The following CIRSR variants were observed in gnomAD, a reference collection of about 807,000 sequenced individuals.
CIRSR encodes CBF1 (RBPJ) interacting corepressor 1.
chr2:174,383,867 A>AG, the CIRSR span, among the ~76,000 whole-genome samples: 17 of 146,558 alleles, frequency 1.2e-4, no homozygotes, highest in Non-Finnish European at 2.4e-4. Context: ...AAAAAAAAAA[A>AG]GAAAATAACA....
chr2:174,390,143 C>T, the CIRSR span, among the ~76,000 whole-genome samples: 3 of 152,198 alleles, frequency 2.0e-5, no homozygotes, highest in African/African-American at 7.2e-5. Flanking sequence ...CAACTTGTAC[C>T]ATGTGCCTGG....
the CIRSR span, among the ~76,000 whole-genome samples, chr2:174,366,941 A>C: frequency 6.6e-6 from 1 of 152,222 alleles, no homozygotes. Flanking sequence ...AATCGCTAAA[A>C]AAATTTTTAG....
At chr2:174,351,719 G>A in the CIRSR span, 2 of 1,611,224 alleles carry the variant, frequency 1.2e-6, no homozygotes, top group Non-Finnish European at 8.5e-7. Flanking sequence ...GGGGTGCATC[G>A]ATGGCCCTGT....
the CIRSR span, among the ~76,000 whole-genome samples, chr2:174,350,441 G>A: frequency 1.3e-5 from 2 of 152,244 alleles, no homozygotes; most frequent in East Asian, 3.9e-4. Context: ...TCTGAAAAGT[G>A]CAATCGTTTT....
chr2:174,393,176 C>T, the CIRSR span, among the ~76,000 whole-genome samples: 1 of 152,090 alleles, frequency 6.6e-6, no homozygotes, highest in Non-Finnish European at 1.5e-5. Flanking sequence ...TTGTCAATAG[C>T]CAGTTTATGA....
At chr2:174,350,692 T>C in the CIRSR span, 1 of 1,609,544 alleles carries the variant, frequency 6.2e-7, no homozygotes, top group Non-Finnish European at 8.5e-7. Flanking sequence ...TGGTTGTTAG[T>C]GACTTTAAAA....
the CIRSR span, among the ~76,000 whole-genome samples, chr2:174,361,010 T>C: frequency 6.6e-6 from 1 of 152,302 alleles, no homozygotes; most frequent in East Asian, 1.9e-4. Flanking sequence ...AAAAAAATTT[T>C]AAACATCAAA....
chr2:174,383,004 A>T, the CIRSR span, among the ~76,000 whole-genome samples: 1 of 152,170 alleles, frequency 6.6e-6, no homozygotes, highest in Non-Finnish European at 1.5e-5. Context: ...AAAAGAAGCA[A>T]AAGGCCACAG....
the CIRSR span, among the ~76,000 whole-genome samples, chr2:174,364,360 G>A: frequency 9.2e-3 from 1,406 of 152,324 alleles, 28 homozygotes; most frequent in African/African-American, 0.032. Context: ...ATATGCTGGC[G>A]TTGAGCACCT....
the CIRSR span, among the ~76,000 whole-genome samples, chr2:174,363,015 C>A: frequency 6.6e-6 from 1 of 152,118 alleles, no homozygotes; most frequent in Non-Finnish European, 1.5e-5. Flanking sequence ...TGCTTCCCTT[C>A]CATCAGTGGG....
At chr2:174,394,548 A>C in the CIRSR span, among the ~76,000 whole-genome samples, 2 of 152,216 alleles carry the variant, frequency 1.3e-5, no homozygotes, top group African/African-American at 4.8e-5. Context: ...TTATAAAATG[A>C]GGAGATGGGG....
the CIRSR span, chr2:174,349,313 T>C: frequency 1.3e-5 from 7 of 542,574 alleles, no homozygotes; most frequent in Non-Finnish European, 2.1e-5. Context: ...ATACCTGTAA[T>C]CCCAGCACTT....
chr2:174,370,608 G>A, the CIRSR span, among the ~76,000 whole-genome samples: 1 of 152,184 alleles, frequency 6.6e-6, no homozygotes, highest in Admixed American at 6.5e-5. Context: ...ATGTGTTTAA[G>A]CATCACAGAA....
chr2:174,378,663 A>G, the CIRSR span: 2 of 431,820 alleles, frequency 4.6e-6, no homozygotes, highest in Non-Finnish European at 8.5e-6. Flanking sequence ...ACTATGTTTA[A>G]TGTATTTTAC....
chr2:174,371,014 A>T, the CIRSR span, among the ~76,000 whole-genome samples: 2 of 152,226 alleles, frequency 1.3e-5, no homozygotes, highest in African/African-American at 2.4e-5. Flanking sequence ...AAAGGCAAAG[A>T]AAATGGTATT....
the CIRSR span, chr2:174,387,834 C>A: frequency 2.8e-6 from 4 of 1,438,598 alleles, no homozygotes; most frequent in East Asian, 9.3e-5. Context: ...ATTAAACAAA[C>A]TTTGCTTTTC....
chr2:174,386,994 G>A, the CIRSR span, among the ~76,000 whole-genome samples: 1 of 152,098 alleles, frequency 6.6e-6, no homozygotes, highest in Non-Finnish European at 1.5e-5. Context: ...CTCAATAAAA[G>A]TTACTAAGAT....
the CIRSR span, chr2:174,380,742 T>C: frequency 6.2e-7 from 1 of 1,608,946 alleles, no homozygotes; most frequent in Non-Finnish European, 8.5e-7. Context: ...AAAATTCTTT[T>C]AATTTTTCCA....
chr2:174,380,836 T>C, the CIRSR span: 31 of 1,573,226 alleles, frequency 2.0e-5, no homozygotes, highest in Non-Finnish European at 2.5e-5. Flanking sequence ...ATCAAAAATA[T>C]GGAAGAAAAA....
Sources: gnomAD v4.1 joint callset for allele counts (sites outside exome capture counted in the v4.1 genomes callset) on GRCh38, gnomAD v4.1.1 for gene constraint, MANE v1.5 for transcripts, NCBI Gene and HGNC (gene_info 2026-07-23, HGNC 2026-07-21) for gene names.